The following PLAGL1 variants were observed in gnomAD, a reference collection of about 807,000 sequenced individuals.
PLAGL1 encodes the protein PLAG1 like zinc finger 1, also known as zinc finger protein PLAGL1.
Under a neutral mutation model 4.6 loss-of-function variants are expected in PLAGL1, and 1 was observed. That is an observed-to-expected ratio of 0.22 (90% confidence interval 0.08 to 1.03). The LOEUF (loss-of-function observed/expected upper bound fraction) is 1.03, where lower values mean the gene tolerates loss of function less well. Ranked by LOEUF, PLAGL1 falls within the 50% of genes least tolerant of loss-of-function variation. The pLI is 0.58. For synonymous variants in PLAGL1, 240 were observed against 237.8 expected (o/e 1.01, Z -0.08); for missense variants, 464 against 570.4 (o/e 0.81, Z 1.90).
At position 143,942,541 on chromosome 6, in the gene PLAGL1, C is replaced by T. The variant is rs139967852; in HGVS notation, c.275G>A (p.Gly92Glu). Residue 92 changes from glycine to glutamate, a missense_variant, in exon 8 of 8, where the codon GGG (glycine) becomes GAG (glutamate). Gly to Glu is a moderately conservative substitution (Grantham distance 98). Transcript: ENST00000674357. This position sits in a 1 kb window ranked among gnomAD's most constrained non-coding sequence, Gnocchi z 7.6. ...QTHDPNKMAF[G>E]CEECGKKYNT... ...GTACTTCTTCCCACACTCCTCACACCCAAAGGCCATTTTGTTGGGGTCGTG... is the reference window on the plus strand; with the variant it reads ...GTACTTCTTCCCACACTCCTCACACTCAAAGGCCATTTTGTTGGGGTCGTG... 1.9e-6 allele frequency: 3 copies of T among 1,613,958 alleles called. No homozygotes were observed. The African/African-American group carries it at 4.0e-5, about 22-fold the overall frequency.
At position 144,004,546 on chromosome 6, in the gene PLAGL1, A is replaced by G. The variant is rs1473236355; in HGVS notation, c.-584+3544T>C. Among the ~76,000 whole-genome samples the G allele has an allele frequency of 6.6e-6, 1 of 152,220 alleles. No homozygotes were observed. Among genetic ancestry groups the G allele is most frequent in the African/African-American group, 2.4e-5 (1 of 41,456 alleles). On this transcript the variant is annotated intron_variant, in intron 1 of 7. Transcript: ENST00000674357. The surrounding 1 kb of genome is among the most constrained non-coding windows in gnomAD (Gnocchi z 4.2). ...GTTTAAAAACATTTGAAAATAATAC[A>G]TGGTCATAGAAATCGGGACAGTAGT...
rs906747462 is a variant in PLAGL1, at chr6:143,941,318, C to A, written c.*106G>T. 2.5e-6 allele frequency: 2 copies of A among 808,268 alleles called. No homozygotes were observed. The highest frequency in any genetic ancestry group is 3.5e-5 in the African/African-American group (2 of 57,780). The allele number at this position is 808,268 out of a possible 1,614,324, so 50.1% of individuals were successfully genotyped here. A position where few individuals can be genotyped will look rare whatever the true frequency, so the allele number is the denominator to read the frequency against. On this transcript the variant is annotated 3_prime_UTR_variant, in exon 8 of 8. Transcript: ENST00000674357. The surrounding 1 kb of genome is among the most constrained non-coding windows in gnomAD (Gnocchi z 6.0). ...CTCAAGCCAGTCATCACTGAATAAGCCATAGTCCCAGTCTCGTTTTCCAAA... is the reference window on the plus strand; with the variant it reads ...CTCAAGCCAGTCATCACTGAATAAGACATAGTCCCAGTCTCGTTTTCCAAA...
intron 1 of PLAGL1, among the ~76,000 whole-genome samples, chr6:143,993,733 TAGGACCAGA>T (rs1791042908): frequency 6.6e-6 from 1 of 152,178 alleles, no homozygotes; most frequent in South Asian, 2.1e-4. Context: ...TAACTTCCTT[TAGGACCAGA>T]AAGACAGCTA....
In PLAGL1 at chr6:143,997,723, C is replaced by T. The variant is rs1390432322; in HGVS notation, c.-584+10367G>A. ...GCTGGCGGGGAAGGAATAGATAAAA[C>T]TAATCTACAGTGATGGACATCAGAA... On this transcript the variant is annotated intron_variant, in intron 1 of 7. Coordinates refer to ENST00000674357, the MANE Select transcript of PLAGL1 (RefSeq NM_001317162.2). The surrounding 1 kb of genome is among the most constrained non-coding windows in gnomAD (Gnocchi z 4.6). Among the ~76,000 whole-genome samples the T allele has an allele frequency of 6.7e-6, 1 of 150,138 alleles. No homozygotes were observed. Among genetic ancestry groups the T allele is most frequent in the Admixed American group, 6.6e-5 (1 of 15,050 alleles).
chr6:144,046,791 C>T (rs183818454), intron 1 of PLAGL1, among the ~76,000 whole-genome samples: 36 of 152,350 alleles, frequency 2.4e-4, no homozygotes, highest in Admixed American at 2.0e-3. Flanking sequence ...TGCCCTGCCC[C>T]CAAAGGTGGA....
In PLAGL1 at chr6:143,971,409, G is replaced by A. The variant is rs541166472; in HGVS notation, c.-543-2431C>T. Among the ~76,000 whole-genome samples, 13 of 152,270 alleles carry A rather than the reference G, an allele frequency of 8.5e-5. 1 individual carries two copies. In the South Asian group the frequency reaches 1.7e-3, roughly 19 times the overall value. ...AACATGGAGAGTAAAGTATTAGCCC[G>A]TTCCTGTACTTGTCTGCTTACTTAC... is the stretch of plus-strand genomic sequence containing the variant. On this transcript the variant is annotated intron_variant, in intron 2 of 7. Coordinates refer to ENST00000674357, the MANE Select transcript of PLAGL1 (RefSeq NM_001317162.2). The surrounding 1 kb of genome is among the most constrained non-coding windows in gnomAD (Gnocchi z 4.7).
Position 143,945,571 on chromosome 6 carries a change from GT to G in PLAGL1, c.152+2413del, listed in dbSNP as rs1238729040. 6.6e-6 allele frequency among the ~76,000 whole-genome samples: 1 copy of G among 152,136 alleles called. No homozygotes were observed. The highest frequency in any genetic ancestry group is 1.5e-5 in the Non-Finnish European group (1 of 68,024). Reference sequence around the variant, plus strand: ...GCTCACTGCAACCTCTGCCTCCCGGGTTCAAGTGATCCTCCTACCTCAGCCT... The same window carrying G: ...GCTCACTGCAACCTCTGCCTCCCGGGTCAAGTGATCCTCCTACCTCAGCCT... On this transcript the variant is annotated intron_variant, in intron 7 of 7. Coordinates refer to ENST00000674357, the MANE Select transcript of PLAGL1 (RefSeq NM_001317162.2). The surrounding 1 kb of genome is among the most constrained non-coding windows in gnomAD (Gnocchi z 4.2).
rs988312612 is a variant in PLAGL1, at chr6:143,995,330, A to C, written c.-583-10156T>G. 1.3e-5 allele frequency among the ~76,000 whole-genome samples: 2 copies of C among 152,198 alleles called. No homozygotes were observed. Among genetic ancestry groups the C allele is most frequent in the Non-Finnish European group, 2.9e-5 (2 of 68,020 alleles). ...TCAAGCTACCCTTTTCATATCATTC[A>C]ATAAATGATGCATAATTTTTGGCTT... On this transcript the variant is annotated intron_variant, in intron 1 of 7. Coordinates refer to ENST00000674357, the MANE Select transcript of PLAGL1 (RefSeq NM_001317162.2). This position sits in a 1 kb window ranked among gnomAD's most constrained non-coding sequence, Gnocchi z 4.4.
In PLAGL1 at chr6:143,960,242, T is replaced by TGCA. The variant is rs1783096166; in HGVS notation, c.-325+224_-325+226dup. Among the ~76,000 whole-genome samples, 2 of 152,202 alleles carry TGCA rather than the reference T, an allele frequency of 1.3e-5. No individual in the cohort carries two copies. Among genetic ancestry groups the TGCA allele is most frequent in the Admixed American group, 6.5e-5 (1 of 15,284 alleles). On this transcript the variant is annotated intron_variant, in intron 6 of 7. Transcript: ENST00000674357. The surrounding 1 kb of genome is among the most constrained non-coding windows in gnomAD (Gnocchi z 5.7). ...GCAGAGGTCATGAAAAGTTGCTAAC[T>TGCA]GCATCATCCAATTCCCTGAAACACA...
At chr6:144,001,457 C>T (rs1021464003) in intron 1 of PLAGL1, among the ~76,000 whole-genome samples, 4 of 152,052 alleles carry the variant, frequency 2.6e-5, no homozygotes, top group African/African-American at 9.7e-5. Flanking sequence ...TAGAATACCA[C>T]AATAATAATT....
chr6:143,993,750 C>A (rs1001754359), intron 1 of PLAGL1, among the ~76,000 whole-genome samples: 3 of 152,168 alleles, frequency 2.0e-5, no homozygotes, highest in African/African-American at 4.8e-5. Context: ...AGAAAGACAG[C>A]TATGGGAGTG....
Position 144,036,668 on chromosome 6 carries a change from T to C in PLAGL1, c.-151+27800A>G, listed in dbSNP as rs35283947. 9.1e-6 allele frequency: 2 copies of C among 219,780 alleles called. No homozygotes were observed. The highest frequency in any genetic ancestry group is 1.8e-5 in the Non-Finnish European group (2 of 109,994). 13.6% of individuals were successfully genotyped at this position (219,780 alleles called of 1,614,324 possible). ...TTTTTGTTTTGTTTGTTTTAACTTGTGAGGCTTCTTCACTACTCAGGGACG... is the reference window on the plus strand; with the variant it reads ...TTTTTGTTTTGTTTGTTTTAACTTGCGAGGCTTCTTCACTACTCAGGGACG... On this transcript the variant is annotated intron_variant, in intron 1 of 3. Coordinates refer to the PLAGL1 transcript ENST00000437412. The surrounding 1 kb of genome is among the most constrained non-coding windows in gnomAD (Gnocchi z 5.1).
intron 1 of PLAGL1, among the ~76,000 whole-genome samples, chr6:144,051,360 C>A (rs1466753236): frequency 1.3e-5 from 2 of 152,228 alleles, no homozygotes; most frequent in African/African-American, 4.8e-5. Flanking sequence ...ACTTTCCTCA[C>A]ACTAATTCTA....
chr6:144,003,056 A>C (rs1419426826), intron 1 of PLAGL1, among the ~76,000 whole-genome samples: 1 of 152,200 alleles, frequency 6.6e-6, no homozygotes, highest in Admixed American at 6.5e-5. Flanking sequence ...GTACTGATGC[A>C]AGAATGGATA....
intron 1 of PLAGL1, among the ~76,000 whole-genome samples, chr6:144,002,539 A>T (rs527944709): frequency 6.6e-6 from 1 of 152,264 alleles, no homozygotes; most frequent in African/African-American, 2.4e-5. Flanking sequence ...AACAAAAACA[A>T]ATCTGCATAC....
chr6:144,039,384 A>C lies in PLAGL1; in HGVS notation c.-151+25084T>G, dbSNP rs1179225150. ...TGGATCATTAGAGGCCCAAAGTTTGAAACCAGTCTGGCCAACATGGCAAAA... is the reference window on the plus strand; with the variant it reads ...TGGATCATTAGAGGCCCAAAGTTTGCAACCAGTCTGGCCAACATGGCAAAA... On this transcript the variant is annotated intron_variant, in intron 1 of 3. Transcript: ENST00000437412. The surrounding 1 kb of genome is among the most constrained non-coding windows in gnomAD (Gnocchi z 4.1). Among the ~76,000 whole-genome samples the C allele has an allele frequency of 6.6e-6, 1 of 152,206 alleles. No homozygotes were observed. The highest frequency in any genetic ancestry group is 2.4e-5 in the African/African-American group (1 of 41,448).
At position 143,947,459 on chromosome 6, in the gene PLAGL1, C is replaced by G. The variant is rs551374800; in HGVS notation, c.152+526G>C. ...CAAACCCTCTCAGACAGAGGTAAGGCCTGCTATACGTGGCTTCCTTCCTGC... is the reference window on the plus strand; with the variant it reads ...CAAACCCTCTCAGACAGAGGTAAGGGCTGCTATACGTGGCTTCCTTCCTGC... On this transcript the variant is annotated intron_variant, in intron 7 of 7. Coordinates refer to ENST00000674357, the MANE Select transcript of PLAGL1 (RefSeq NM_001317162.2). The surrounding 1 kb of genome is among the most constrained non-coding windows in gnomAD (Gnocchi z 4.3). Among the ~76,000 whole-genome samples the G allele has an allele frequency of 1.5e-4, 23 of 152,334 alleles. No homozygotes were observed. The highest frequency in any genetic ancestry group is 2.5e-4 in the Non-Finnish European group (17 of 68,026).
In PLAGL1 at chr6:143,975,886, T is replaced by G. The variant is rs750574421; in HGVS notation, c.-543-6908A>C. Among the ~76,000 whole-genome samples the G allele has an allele frequency of 6.6e-6, 1 of 152,222 alleles. No homozygotes were observed. On this transcript the variant is annotated intron_variant, in intron 2 of 7. Coordinates refer to ENST00000674357, the MANE Select transcript of PLAGL1 (RefSeq NM_001317162.2). The surrounding 1 kb of genome is among the most constrained non-coding windows in gnomAD (Gnocchi z 5.8). ...TTGGTAAAAGAAGAAATTCACAGAC[T>G]GTTACCACTTGAAGAGAAAAATACA...
At position 143,940,508 on chromosome 6, in the gene PLAGL1, C is replaced by CTTAT. The variant is rs1040031699; in HGVS notation, c.*912_*915dup. On this transcript the variant is annotated 3_prime_UTR_variant, in exon 8 of 8. Coordinates refer to ENST00000674357, the MANE Select transcript of PLAGL1 (RefSeq NM_001317162.2). ...TAATGACTGATGAATTACAAATGCA[C>CTTAT]TTATTTATTGGTGATTACAAACAAT... 6.6e-6 allele frequency: 1 copy of CTTAT among 152,204 alleles called. No homozygotes were observed. The highest frequency in any genetic ancestry group is 2.4e-5 in the African/African-American group (1 of 41,402). The allele number at this position is 152,204 out of a possible 1,614,324, so 9.4% of individuals were successfully genotyped here.
Sources: gnomAD v4.1 joint callset for allele counts (sites outside exome capture counted in the v4.1 genomes callset) on GRCh38, gnomAD v4.1.1 for gene constraint, Gnocchi (gnomAD v3.1) non-coding constraint, MANE v1.5 for transcripts, NCBI Gene and HGNC (gene_info 2026-07-23, HGNC 2026-07-21) for gene names.